GALNT14: variants seen among roughly 807,000 people sequenced by gnomAD.
GALNT14 encodes UDP-GalNAc:polypeptide N-acetylgalactosaminyltransferase 14.
A neutral mutation model predicts 77.5 loss-of-function variants in GALNT14; 60 were observed. The observed-to-expected ratio is 0.77, with a 90% CI of 0.63 to 0.96. The LOEUF (loss-of-function observed/expected upper bound fraction) is 0.96, where lower values mean the gene tolerates loss of function less well. Ranked by LOEUF, GALNT14 falls within the 40% of genes least tolerant of loss-of-function variation. GALNT14 has a pLI of 0.00. For missense variants in GALNT14, 710 were observed against 731.0 expected (o/e 0.97, Z 0.33); for synonymous variants, 280 against 281.7 (o/e 0.99, Z 0.06).
intron 1 of GALNT14, among the ~76,000 whole-genome samples, chr2:31,086,336 G>A (rs1297459348): frequency 6.6e-6 from 1 of 152,170 alleles, no homozygotes; most frequent in Non-Finnish European, 1.5e-5. Flanking sequence ...CTACTGAGCA[G>A]GTCCCTGCAG....
rs77918617 is a variant in GALNT14, at chr2:31,008,008, A to G, written c.130-15001T>C. Among the ~76,000 whole-genome samples the G allele has an allele frequency of 3.2e-3, 492 of 152,340 alleles. 1 individual carries two copies. Among genetic ancestry groups the G allele is most frequent in the African/African-American group, 0.01 (428 of 41,584 alleles). On this transcript the variant is annotated intron_variant, in intron 1 of 14. Coordinates refer to ENST00000349752, the MANE Select transcript of GALNT14 (RefSeq NM_024572.4). The stretch of plus-strand genomic sequence containing the variant: ...ATTTTGTTATGCTGTGAGAATGGCC[A>G]AGGTCTCAAAATAACTCTCTTCTTC...
At chr2:30,952,371 C>T (rs1326656651) in intron 6 of GALNT14, among the ~76,000 whole-genome samples, 2 of 151,194 alleles carry the variant, frequency 1.3e-5, no homozygotes, top group African/African-American at 4.9e-5. Flanking sequence ...AAATGTCCAA[C>T]AATGATAGAC....
In GALNT14 at chr2:31,132,972, A is replaced by C. The variant is rs185242610; in HGVS notation, c.129+4986T>G. 2.5e-3 allele frequency among the ~76,000 whole-genome samples: 383 copies of C among 152,214 alleles called. 3 individuals are homozygous for C. The highest frequency in any genetic ancestry group is 8.7e-3 in the African/African-American group (360 of 41,528). On this transcript the variant is annotated intron_variant, in intron 1 of 14. Transcript: ENST00000349752. ...ATCAGCTAGCGCCACCCAGATCGAT[A>C]AACTGGCCCATCTGGTCTTGTGGCC...
intron 1 of GALNT14, among the ~76,000 whole-genome samples, chr2:31,056,077 G>A (rs922216352): frequency 5.9e-5 from 9 of 152,192 alleles, no homozygotes; most frequent in Admixed American, 2.0e-4. Flanking sequence ...TCAAACATCC[G>A]TGTGCCCCAA....
intron 2 of GALNT14, among the ~76,000 whole-genome samples, chr2:30,978,324 C>T (rs191044289): frequency 1.2e-4 from 18 of 152,370 alleles, no homozygotes; most frequent in East Asian, 9.6e-4. Flanking sequence ...TTCTAAATCA[C>T]TGTGCCATCT....
chr2:31,050,939 G>A (rs1673822867), intron 1 of GALNT14, among the ~76,000 whole-genome samples: 1 of 152,130 alleles, frequency 6.6e-6, no homozygotes, highest in Non-Finnish European at 1.5e-5. Context: ...AACTAAAGTG[G>A]AAAGGGCAGG....
intron 1 of GALNT14, among the ~76,000 whole-genome samples, chr2:31,119,059 T>TA (rs1271687850): frequency 5.9e-5 from 9 of 151,652 alleles, no homozygotes; most frequent in African/African-American, 2.2e-4. Context: ...AAACCTGACA[T>TA]AAAAATAAAT....
intron 1 of GALNT14, among the ~76,000 whole-genome samples, chr2:31,065,757 C>A (rs959608369): frequency 6.6e-6 from 1 of 152,142 alleles, no homozygotes; most frequent in Non-Finnish European, 1.5e-5. Flanking sequence ...TTGAGATAGA[C>A]CATAACTAAC....
At chr2:30,978,560 C>T (rs1284768924) in intron 2 of GALNT14, among the ~76,000 whole-genome samples, 1 of 152,168 alleles carries the variant, frequency 6.6e-6, no homozygotes, top group Non-Finnish European at 1.5e-5. Context: ...TGGATTTATG[C>T]GTGAACGTGG....
chr2:31,128,757 C>T (rs755020340), intron 1 of GALNT14, among the ~76,000 whole-genome samples: 42 of 152,142 alleles, frequency 2.8e-4, no homozygotes, highest in Non-Finnish European at 4.9e-4. Context: ...CTTGCACCAC[C>T]GAGTCTGCCG....
chr2:30,899,168 G>A, the GALNT14 span, among the ~76,000 whole-genome samples: 1 of 152,208 alleles, frequency 6.6e-6, no homozygotes, highest in Non-Finnish European at 1.5e-5. Flanking sequence ...CACACTAAAA[G>A]CATCCTGCAA....
chr2:30,967,382 G>A (rs1573055154), intron 2 of GALNT14, among the ~76,000 whole-genome samples: 1 of 152,190 alleles, frequency 6.6e-6, no homozygotes, highest in African/African-American at 2.4e-5. Flanking sequence ...CTGGTGTCAT[G>A]TTGGCCTCTC....
the GALNT14 span, among the ~76,000 whole-genome samples, chr2:30,898,367 G>A: frequency 2.0e-5 from 3 of 152,168 alleles, no homozygotes; most frequent in Non-Finnish European, 2.9e-5. Flanking sequence ...CCTGCCCTCC[G>A]CTCTGGGACC....
chr2:31,001,910 G>A (rs1024399942), intron 1 of GALNT14, among the ~76,000 whole-genome samples: 3 of 152,116 alleles, frequency 2.0e-5, no homozygotes, highest in Non-Finnish European at 4.4e-5. Context: ...TGGCTGGGTC[G>A]ATTTGAAAAA....
the GALNT14 span, among the ~76,000 whole-genome samples, chr2:30,894,110 G>GC: frequency 0.16 from 24,984 of 152,032 alleles, 3,454 homozygotes; most frequent in African/African-American, 0.36. Flanking sequence ...AGCTCTGCCT[G>GC]CCCCCTTACT....
chr2:31,091,934 C>T (rs981366229), intron 1 of GALNT14, among the ~76,000 whole-genome samples: 1 of 152,096 alleles, frequency 6.6e-6, no homozygotes, highest in African/African-American at 2.4e-5. Context: ...CAATCAGCTG[C>T]CAGTGCGGCT....
intron 1 of GALNT14, among the ~76,000 whole-genome samples, chr2:31,064,923 T>TA (rs1435538258): frequency 3.6e-5 from 5 of 139,930 alleles, no homozygotes; most frequent in Non-Finnish European, 7.9e-5. Flanking sequence ...GAAAGAGTGG[T>TA]AAAAAAAACT....
intron 1 of GALNT14, among the ~76,000 whole-genome samples, chr2:31,060,845 C>G (rs1351398642): frequency 1.3e-5 from 2 of 152,178 alleles, no homozygotes; most frequent in Non-Finnish European, 2.9e-5. Context: ...CTCCACCCAG[C>G]CAGGACTTTT....
intron 1 of GALNT14, among the ~76,000 whole-genome samples, chr2:31,054,049 G>A (rs958050728): frequency 2.3e-4 from 35 of 152,158 alleles, no homozygotes; most frequent in African/African-American, 8.2e-4. Context: ...TCTGTGCCAG[G>A]CACTGAATTA....
Sources: gnomAD v4.1 joint callset for allele counts (sites outside exome capture counted in the v4.1 genomes callset) on GRCh38, gnomAD v4.1.1 for gene constraint, MANE v1.5 for transcripts, NCBI Gene and HGNC (gene_info 2026-07-23, HGNC 2026-07-21) for gene names.